CFAP58: variants seen among roughly 807,000 people sequenced by gnomAD.
CFAP58 encodes cilia- and flagella-associated protein 58.
In CFAP58, 88 loss-of-function variants were observed where a neutral mutation model predicts 119.5. The ratio of observed to expected loss-of-function variants is 0.74; its 90% CI spans 0.62 to 0.88. The LOEUF (loss-of-function observed/expected upper bound fraction) is 0.88. Ranked by LOEUF, CFAP58 falls within the 40% of genes least tolerant of loss-of-function variation. The probability of loss-of-function intolerance (pLI) is 0.00; values close to 1 mark genes in which losing one functional copy is unlikely to be tolerated. For synonymous variants in CFAP58, 365 were observed against 366.3 expected (o/e 1.00, Z 0.04); for missense variants, 990 against 1,021.2 (o/e 0.97, Z 0.42).
At chr10:104,347,814 G>T in the CFAP58 span, among the ~76,000 whole-genome samples, 1 of 152,038 alleles carries the variant, frequency 6.6e-6, no homozygotes, top group East Asian at 1.9e-4. Flanking sequence ...GGTCTCTCAA[G>T]GGACCTGCCA....
At chr10:104,384,691 C>T (rs2011886739) in intron 9 of CFAP58, among the ~76,000 whole-genome samples, 1 of 152,204 alleles carries the variant, frequency 6.6e-6, no homozygotes, top group Admixed American at 6.5e-5. Context: ...GTTTGGCTTC[C>T]TTCAAAGATT....
At chr10:104,358,017 G>T (rs1291392374) in intron 1 of CFAP58, among the ~76,000 whole-genome samples, 2 of 122,830 alleles carry the variant, frequency 1.6e-5, no homozygotes, top group East Asian at 2.2e-4. Flanking sequence ...ACACATATAT[G>T]TACATATATA....
intron 15 of CFAP58, among the ~76,000 whole-genome samples, chr10:104,409,087 G>A (rs1471798597): frequency 1.6e-5 from 2 of 126,098 alleles, no homozygotes; most frequent in African/African-American, 6.2e-5. Flanking sequence ...GTGACAGTGT[G>A]AGACCCCGTC....
At chr10:104,401,131 G>A (rs1042617756) in intron 13 of CFAP58, among the ~76,000 whole-genome samples, 4 of 152,030 alleles carry the variant, frequency 2.6e-5, no homozygotes, top group Non-Finnish European at 4.4e-5. Flanking sequence ...GGGGGGTAAG[G>A]GCGAGTGCAA....
At chr10:104,432,099 A>AATACATACCTTTGGTATGTATC (rs1589934060) in intron 15 of CFAP58, among the ~76,000 whole-genome samples, 1 of 152,364 alleles carries the variant, frequency 6.6e-6, no homozygotes, top group East Asian at 1.9e-4. Context: ...AGGAAGTATA[A>AATACATACCTTTGGTATGTATC]TACCAAAGGC....
rs557172752 is a variant in CFAP58 at position 104,426,161 on chromosome 10, G to A, written c.2256+19368G>A. ...ATGGGAGGATCACCTGATCACCCTT[G>A]ACCAGAGGTCGAGGCTGCAGTGAGC... On this transcript the variant is annotated intron_variant, in intron 15 of 17. Coordinates refer to ENST00000369704, the MANE Select transcript of CFAP58 (RefSeq NM_001008723.2). 2.1e-3 allele frequency among the ~76,000 whole-genome samples: 318 copies of A among 152,282 alleles called. 2 individuals are homozygous for A. Among genetic ancestry groups the A allele is most frequent in the South Asian group, 5.4e-3 (26 of 4,816 alleles).
the CFAP58 span, among the ~76,000 whole-genome samples, chr10:104,343,813 C>T: frequency 1.5e-4 from 23 of 152,296 alleles, no homozygotes; most frequent in African/African-American, 5.3e-4. Context: ...TGACGGTCGG[C>T]TTCACTGCAG....
chr10:104,362,323 G>A, intron 3 of CFAP58, 152 bp downstream of exon 3: 1 of 664,848 alleles, frequency 1.5e-6, no homozygotes, highest in South Asian at 2.5e-5. Flanking sequence ...TCTGTCTGTT[G>A]CATTTTAAGT....
rs543314658 is a variant in CFAP58 at position 104,355,643 on chromosome 10, A to G, written c.9+1737A>G. ...GGACAGTGCCTGGCACATAGCAAAC[A>G]ATCAGTGAATAGGTGAAGAATAAAG... On this transcript the variant is annotated intron_variant, in intron 1 of 17. Coordinates refer to ENST00000369704, the MANE Select transcript of CFAP58 (RefSeq NM_001008723.2). 8.5e-5 allele frequency among the ~76,000 whole-genome samples: 13 copies of G among 152,334 alleles called. No homozygotes were observed. The East Asian group carries it at 2.3e-3, about 27-fold the overall frequency.
chr10:104,416,584 T>TCATTTTTAGATAATTCTTTCATAA (rs796130643), intron 15 of CFAP58, among the ~76,000 whole-genome samples: 81 of 152,344 alleles, frequency 5.3e-4, no homozygotes, highest in African/African-American at 1.8e-3. Flanking sequence ...CTCATATAGC[T>TCATTTTTAGATAATTCTTTCATAA]CATTTTTAGA....
chr10:104,371,129 C>T lies in CFAP58; in HGVS notation c.1090+75C>T, dbSNP rs2014818062. 3.5e-6 allele frequency: 5 copies of T among 1,409,822 alleles called. No homozygotes were observed. In the South Asian group the frequency reaches 4.2e-5, roughly 12 times the overall value. 87.3% of individuals were successfully genotyped at this position (1,409,822 alleles called of 1,614,324 possible). A position where few individuals can be genotyped will look rare whatever the true frequency, so the allele number is the denominator to read the frequency against. On this transcript the variant is annotated intron_variant, in intron 7 of 17. Transcript: ENST00000369704. ...GATGTTATCTTGTAACCCAGGGCTC[C>T]ATGTTTCCAAACACAACCTATGCCA...
chr10:104,452,971 C>T (rs935097923), intron 17 of CFAP58, among the ~76,000 whole-genome samples: 6 of 152,040 alleles, frequency 3.9e-5, no homozygotes, highest in South Asian at 2.1e-4. Context: ...GAGGCAAGAA[C>T]AAAAGTGCTG....
intron 15 of CFAP58, among the ~76,000 whole-genome samples, chr10:104,424,051 C>T (rs1366293524): frequency 6.6e-6 from 1 of 152,132 alleles, no homozygotes; most frequent in Non-Finnish European, 1.5e-5. Context: ...ATCAAGTTCC[C>T]TCTCCTTATA....
intron 15 of CFAP58, among the ~76,000 whole-genome samples, chr10:104,409,057 G>T (rs2012414983): frequency 6.6e-6 from 1 of 152,010 alleles, no homozygotes; most frequent in Non-Finnish European, 1.5e-5. Flanking sequence ...CTGTGATTGT[G>T]CCACTGCACT....
chr10:104,429,189 G>C (rs919929768), intron 15 of CFAP58, among the ~76,000 whole-genome samples: 1 of 152,178 alleles, frequency 6.6e-6, no homozygotes, highest in Non-Finnish European at 1.5e-5. Flanking sequence ...TGATGAGGGG[G>C]TGGCAGGTGC....
intron 15 of CFAP58, among the ~76,000 whole-genome samples, chr10:104,412,426 G>A (rs2012475814): frequency 6.6e-6 from 1 of 152,022 alleles, no homozygotes; most frequent in African/African-American, 2.4e-5. Flanking sequence ...TTTAGCGTTT[G>A]GAATGGTTGG....
upstream of CFAP58, among the ~76,000 whole-genome samples, chr10:104,348,974 T>C (rs192464098): frequency 2.4e-3 from 366 of 152,204 alleles, 3 homozygotes; most frequent in African/African-American, 7.7e-3. Flanking sequence ...AGGCCAGGTG[T>C]GGTGGCTCAC....
At chr10:104,403,186 A>G (rs755390548) in intron 13 of CFAP58, among the ~76,000 whole-genome samples, 15 of 152,036 alleles carry the variant, frequency 9.9e-5, no homozygotes, top group Non-Finnish European at 1.9e-4. Context: ...TGCTGTTCTC[A>G]TTGTAGTGAT....
intron 2 of CFAP58, among the ~76,000 whole-genome samples, chr10:104,361,325 C>T (rs2014663565): frequency 6.6e-6 from 1 of 152,174 alleles, no homozygotes; most frequent in African/African-American, 2.4e-5. Flanking sequence ...AAGGCTTGGG[C>T]TTCAGTTTCT....
Sources: allele counts gnomAD v4.1 joint callset (sites outside exome capture counted in the v4.1 genomes callset), GRCh38; gene constraint gnomAD v4.1.1; transcripts MANE v1.5; gene names NCBI Gene and HGNC (gene_info 2026-07-23, HGNC 2026-07-21).